Variants in EPC1 observed in about 807,000 individuals in gnomAD.
The protein encoded by EPC1 is enhancer of polycomb homolog 1.
EPC1 carries 12 observed loss-of-function variants against 98.4 expected under a neutral mutation model. The ratio of observed to expected loss-of-function variants is 0.12; its 90% CI spans 0.08 to 0.20. The LOEUF (loss-of-function observed/expected upper bound fraction) is 0.20, where lower values mean the gene tolerates loss of function less well. Among genes scored for constraint, EPC1 ranks in the 10% least tolerant of loss-of-function variants. The pLI, the probability that EPC1 is intolerant of heterozygous loss-of-function variation, is 1.00. For missense variants in EPC1, 729 were observed against 990.5 expected, an observed-to-expected ratio of 0.74 and a Z score of 3.54; for synonymous variants, 357 against 363.9, an observed-to-expected ratio of 0.98 and a Z score of 0.21.
intron 1 of EPC1, among the ~76,000 whole-genome samples, chr10:32,376,243 T>C (rs1839869635): frequency 6.6e-6 from 1 of 152,072 alleles, no homozygotes; most frequent in African/African-American, 2.4e-5. Context: ...TAGCTCCATA[T>C]GGACTTCAGA....
At chr10:32,287,410 T>G in intron 6 of EPC1, 136 bp from the exon 7 acceptor site, 1 of 843,186 alleles carries the variant, frequency 1.2e-6, no homozygotes, top group East Asian at 2.6e-5. Flanking sequence ...CACTCTATGT[T>G]TGGCCATCTT....
chr10:32,285,040 C>T lies in EPC1; in HGVS notation c.1402G>A (p.Asp468Asn). Residue 468 changes from aspartate to asparagine, a missense_variant, in exon 10 of 14, where the codon GAC (aspartate) becomes AAC (asparagine). By Grantham distance (23) the Asp-to-Asn change is conservative. Transcript: ENST00000319778. ...CTGTCATAGTCTGAATGAGCTCTGTCCAGTAAGACCCTATTAAAAAATCAG... is the reference window on the plus strand; with the variant it reads ...CTGTCATAGTCTGAATGAGCTCTGTTCAGTAAGACCCTATTAAAAAATCAG... ...RVGRGGRVLL[D>N]RAHSDYDSVF... 6.2e-7 allele frequency: 1 copy of T among 1,602,866 alleles called. No individual in the cohort carries two copies. The highest frequency in any genetic ancestry group is 8.5e-7 in the Non-Finnish European group (1 of 1,173,516).
At chr10:32,283,122 A>AATG (rs1252626810) in intron 10 of EPC1, 3 of 152,174 alleles carry the variant, frequency 2.0e-5, no homozygotes, top group African/African-American at 7.2e-5. Flanking sequence ...ATTTCATAGA[A>AATG]GTACAGCTGA....
At chr10:32,304,585 G>A (rs766350378) in intron 2 of EPC1, among the ~76,000 whole-genome samples, 6 of 152,098 alleles carry the variant, frequency 3.9e-5, no homozygotes, top group Non-Finnish European at 5.9e-5. Flanking sequence ...ATAGGTTTAC[G>A]CTGTCCTAAA....
intron 13 of EPC1, 73 bp from the exon 14 acceptor site, chr10:32,269,208 C>G: frequency 7.6e-7 from 1 of 1,322,760 alleles, no homozygotes; most frequent in Non-Finnish European, 1.1e-6. Context: ...ATCTTCCCAA[C>G]AAAAAGTTTA....
At chr10:32,348,532 C>G (rs536996721), upstream of EPC1, among the ~76,000 whole-genome samples, 21 of 152,308 alleles carry the variant, frequency 1.4e-4, no homozygotes, top group Middle Eastern at 0.014. Flanking sequence ...GCTGGTTTAG[C>G]CAGCTCCCGC....
intron 2 of EPC1, among the ~76,000 whole-genome samples, chr10:32,302,988 A>C (rs1381378363): frequency 1.3e-5 from 2 of 152,070 alleles, no homozygotes; most frequent in Non-Finnish European, 2.9e-5. Flanking sequence ...ACACTCATGA[A>C]TATATACCCC....
intron 1 of EPC1, among the ~76,000 whole-genome samples, chr10:32,326,374 A>G (rs1371131639): frequency 1.3e-5 from 2 of 151,962 alleles, no homozygotes; most frequent in African/African-American, 2.4e-5. Flanking sequence ...GCACTCTTCC[A>G]CCTGTCGCCA....
At chr10:32,320,546 G>A (rs1012901333) in intron 1 of EPC1, among the ~76,000 whole-genome samples, 10 of 152,160 alleles carry the variant, frequency 6.6e-5, no homozygotes, top group Non-Finnish European at 2.9e-5. Context: ...AATCCATTAT[G>A]ATCTTCCAAA....
At chr10:32,359,385 T>G (rs115999129) in intron 1 of EPC1, among the ~76,000 whole-genome samples, 1,713 of 152,280 alleles carry the variant, frequency 0.011, 38 homozygotes, top group African/African-American at 0.04. Context: ...AATAACAAAT[T>G]AACGAGAAAT....
intron 10 of EPC1, among the ~76,000 whole-genome samples, chr10:32,279,279 C>T (rs1322304857): frequency 2.0e-5 from 3 of 150,274 alleles, no homozygotes; most frequent in South Asian, 2.1e-4. Flanking sequence ...ACCCGGTAGG[C>T]GGAGGTTGCA....
At chr10:32,366,257 C>A (rs1839601540) in intron 1 of EPC1, among the ~76,000 whole-genome samples, 1 of 152,236 alleles carries the variant, frequency 6.6e-6, no homozygotes, top group Non-Finnish European at 1.5e-5. Context: ...CACCTCTGTG[C>A]AAAAGCATTG....
intron 1 of EPC1, among the ~76,000 whole-genome samples, chr10:32,323,900 T>C (rs1310595783): frequency 6.6e-6 from 1 of 152,222 alleles, no homozygotes; most frequent in Non-Finnish European, 1.5e-5. Flanking sequence ...CAAATTATAA[T>C]AATTAATGGC....
chr10:32,342,579 G>A (rs1394697174), intron 1 of EPC1, among the ~76,000 whole-genome samples: 1 of 152,178 alleles, frequency 6.6e-6, no homozygotes, highest in Non-Finnish European at 1.5e-5. Flanking sequence ...GAACCAAGGT[G>A]CTGGATTATG....
At chr10:32,300,495 G>A (rs11008866) in intron 2 of EPC1, among the ~76,000 whole-genome samples, 2,635 of 149,568 alleles carry the variant, frequency 0.018, 72 homozygotes, top group African/African-American at 0.06. Flanking sequence ...GTGTAGTGGC[G>A]CGATCTCGGC....
Position 32,291,550 on chromosome 10 carries a change from C to T in EPC1, c.816-228G>A, listed in dbSNP as rs374678841. Reference sequence around the variant, plus strand: ...TTATTAACCATGCTGTACATTAGGTCTCCAGAATGTATTCATTTCATAACT... The same window carrying T: ...TTATTAACCATGCTGTACATTAGGTTTCCAGAATGTATTCATTTCATAACT... On this transcript the variant is annotated intron_variant, in intron 5 of 13. Transcript: ENST00000319778. The T allele has an allele frequency of 4.4e-5, 14 of 317,670 alleles. No homozygotes were observed. In the South Asian group the frequency reaches 1.3e-3, roughly 29 times the overall value. The allele number at this position is 317,670 out of a possible 1,614,324, so 19.7% of individuals were successfully genotyped here.
chr10:32,276,262 G>C (rs2132654781), intron 10 of EPC1, among the ~76,000 whole-genome samples: 1 of 152,358 alleles, frequency 6.6e-6, no homozygotes, highest in South Asian at 2.1e-4. Context: ...TGTAATCCCA[G>C]CACTTTGTGA....
At chr10:32,276,621 G>A (rs1393999964) in intron 10 of EPC1, among the ~76,000 whole-genome samples, 1 of 152,204 alleles carries the variant, frequency 6.6e-6, no homozygotes, top group Non-Finnish European at 1.5e-5. Context: ...GAGAAATAAA[G>A]TTCAATTCCT....
chr10:32,373,104 T>A (rs1309786075), intron 1 of EPC1, among the ~76,000 whole-genome samples: 1 of 152,204 alleles, frequency 6.6e-6, no homozygotes, highest in Non-Finnish European at 1.5e-5. Flanking sequence ...AGGAGGTAAG[T>A]ACACAGCCTC....
Sources: gnomAD v4.1 joint callset for allele counts (sites outside exome capture counted in the v4.1 genomes callset) on GRCh38, gnomAD v4.1.1 for gene constraint, MANE v1.5 for transcripts, NCBI Gene and HGNC (gene_info 2026-07-23, HGNC 2026-07-21) for gene names.